Variants in TNPO1 observed in about 807,000 individuals in gnomAD.
TNPO1 encodes the protein transportin-1.
TNPO1 carries 8 observed loss-of-function variants against 119.5 expected under a neutral mutation model. The observed-to-expected ratio is 0.07, with a 90% CI of 0.04 to 0.12. The LOEUF is 0.12. Among genes scored for constraint, TNPO1 ranks in the 10% least tolerant of loss-of-function variants. The pLI is 1.00. For synonymous variants in TNPO1, 362 were observed against 363.0 expected, an observed-to-expected ratio of 1.00 and a Z score of 0.03; for missense variants, 576 against 1,089.8, an observed-to-expected ratio of 0.53 and a Z score of 6.64.
At chr5:72,841,352 C>T (rs2112218614) in intron 1 of TNPO1, among the ~76,000 whole-genome samples, 1 of 152,272 alleles carries the variant, frequency 6.6e-6, no homozygotes, top group African/African-American at 2.4e-5. Flanking sequence ...CTCCTGACCT[C>T]AGGCGATCCA....
rs1276556982 is a variant in TNPO1 at position 72,848,565 on chromosome 5, G to T, written c.129+67G>T. On this transcript the variant is annotated intron_variant, in intron 2 of 24. Coordinates refer to ENST00000337273, the MANE Select transcript of TNPO1 (RefSeq NM_002270.4). ...CCGCGCTGCGGCCCAGCCCCCGGCG[G>T]CCGGGGGCTCCCGTCGCCTCCGCCT... The T allele has an allele frequency of 4.0e-6, 4 of 994,346 alleles. No individual in the cohort carries two copies. In the East Asian group the frequency reaches 1.0e-4, roughly 26 times the overall value. The allele number at this position is 994,346 out of a possible 1,614,324, so 61.6% of individuals were successfully genotyped here.
At chr5:72,822,941 A>G (rs1368984647) in intron 1 of TNPO1, among the ~76,000 whole-genome samples, 1 of 125,798 alleles carries the variant, frequency 7.9e-6, no homozygotes, top group Non-Finnish European at 1.6e-5. Context: ...TTGGAGACAC[A>G]GTCTAGCTCT....
rs1457435047 is a variant in TNPO1, at chr5:72,868,452, A to AC, written c.596+2723_596+2724insC. 3.6e-3 allele frequency among the ~76,000 whole-genome samples: 534 copies of AC among 147,878 alleles called. 21 individuals carry two copies. In the East Asian group the frequency reaches 0.038, roughly 10 times the overall value. ...GTCTCAAAAAAAAAAAAAAAAAAAA[A>AC]AAAAAAACACAAAATAATATATCAG... On this transcript the variant is annotated intron_variant, in intron 6 of 24. Transcript: ENST00000337273.
intron 24 of TNPO1, among the ~76,000 whole-genome samples, chr5:72,906,780 C>T (rs1052483460): frequency 6.6e-6 from 1 of 152,100 alleles, no homozygotes; most frequent in East Asian, 1.9e-4. Context: ...GATGCCAGAA[C>T]TTAGTATGTT....
chr5:72,893,058 C>G lies in TNPO1; in HGVS notation c.1789-81C>G. The G allele has an allele frequency of 2.9e-6, 3 of 1,030,992 alleles. No homozygotes were observed. In the South Asian group the frequency reaches 4.4e-5, roughly 15 times the overall value. The allele number at this position is 1,030,992 out of a possible 1,614,324, so 63.9% of individuals were successfully genotyped here. A position where few individuals can be genotyped will look rare whatever the true frequency, so the allele number is the denominator to read the frequency against. ...GAGCAAGCTCATAAATGATCAGGAT[C>G]CTGTTGAGCGCAGTTTCAAGCATTC... On this transcript the variant is annotated intron_variant, in intron 15 of 24. Coordinates refer to ENST00000337273, the MANE Select transcript of TNPO1 (RefSeq NM_002270.4).
intron 20 of TNPO1, among the ~76,000 whole-genome samples, chr5:72,899,063 T>G (rs573493211): frequency 6.6e-6 from 1 of 152,164 alleles, no homozygotes; most frequent in Non-Finnish European, 1.5e-5. Flanking sequence ...CTTTGTAAGT[T>G]TAAAGACTTC....
chr5:72,855,309 A>T (rs369887277), intron 3 of TNPO1, among the ~76,000 whole-genome samples: 2 of 152,082 alleles, frequency 1.3e-5, no homozygotes, highest in African/African-American at 4.8e-5. Flanking sequence ...TTAATAGGAT[A>T]TGTTTAAGAC....
At chr5:72,867,901 A>AGAT (rs1747045832) in intron 6 of TNPO1, among the ~76,000 whole-genome samples, 2 of 152,182 alleles carry the variant, frequency 1.3e-5, no homozygotes. Flanking sequence ...CCAATCAAAT[A>AGAT]GATATTTGGT....
At position 72,861,931 on chromosome 5, in the gene TNPO1, C is replaced by G. The variant is rs778497187; in HGVS notation, c.462+17C>G. On this transcript the variant is annotated intron_variant, in intron 5 of 24. Transcript: ENST00000337273. ...ACCTGTGAGGTAAGGATATTTGTTT[C>G]ATACATAATTGGGTGTTTTCTGTTT... is the stretch of plus-strand genomic sequence containing the variant. 13 of 1,574,390 alleles carry G rather than the reference C, an allele frequency of 8.3e-6. No homozygotes were observed. In the East Asian group the frequency reaches 2.5e-4, roughly 30 times the overall value.
chr5:72,832,588 G>A (rs758609670), intron 1 of TNPO1, among the ~76,000 whole-genome samples: 1 of 152,144 alleles, frequency 6.6e-6, no homozygotes, highest in Non-Finnish European at 1.5e-5. Context: ...TGAGTCTTGA[G>A]AACCAAGTAC....
rs1750483327 is a variant in TNPO1, at chr5:72,910,420, C to CT, written c.*1750dup. On this transcript the variant is annotated 3_prime_UTR_variant, in exon 25 of 25. Transcript: ENST00000337273. ...CTTGTGTTCATATGAAAGTGCAAGTCTTTATTAATTTGGATTGCCTGAACA... is the reference window on the plus strand; with the variant it reads ...CTTGTGTTCATATGAAAGTGCAAGTCTTTTATTAATTTGGATTGCCTGAACA... 6.6e-6 allele frequency: 1 copy of CT among 152,466 alleles called. No individual in the cohort carries two copies. 9.4% of individuals were successfully genotyped at this position (152,466 alleles called of 1,614,324 possible).
At position 72,913,576 on chromosome 5, in the gene TNPO1, G is replaced by A. The variant is rs1278576740; in HGVS notation, c.*4903G>A. The A allele has an allele frequency of 2.0e-5, 3 of 152,340 alleles. No individual in the cohort carries two copies. Among genetic ancestry groups the A allele is most frequent in the Non-Finnish European group, 4.4e-5 (3 of 67,894 alleles). The allele number at this position is 152,340 out of a possible 1,614,324, so 9.4% of individuals were successfully genotyped here. A position where few individuals can be genotyped will look rare whatever the true frequency, so the allele number is the denominator to read the frequency against. ...AAGCAGTGTATCACTAATAAGAAAA[G>A]CAGTTTTTCCTTTTATTGCAGTTTT... On this transcript the variant is annotated 3_prime_UTR_variant, in exon 25 of 25. Transcript: ENST00000337273.
At chr5:72,861,705 A>G in intron 4 of TNPO1, 103 bp from the exon 5 acceptor site, 1 of 819,510 alleles carries the variant, frequency 1.2e-6, no homozygotes, top group African/African-American at 1.7e-5. Context: ...GCCTGGCCAA[A>G]TGTTATTATT....
At chr5:72,867,771 A>C (rs1747032877) in intron 6 of TNPO1, among the ~76,000 whole-genome samples, 1 of 152,220 alleles carries the variant, frequency 6.6e-6, no homozygotes, top group Non-Finnish European at 1.5e-5. Flanking sequence ...CACAGTACTG[A>C]ATGTAGACAT....
intron 1 of TNPO1, among the ~76,000 whole-genome samples, chr5:72,823,812 A>G (rs1744091839): frequency 6.6e-6 from 1 of 152,088 alleles, no homozygotes. Context: ...ACAACCACAC[A>G]TGGCCACAAA....
chr5:72,875,000 C>T (rs1446225033), intron 7 of TNPO1, among the ~76,000 whole-genome samples: 2 of 151,822 alleles, frequency 1.3e-5, no homozygotes, highest in East Asian at 3.9e-4. Flanking sequence ...AGATCTTCTG[C>T]TGGTTATCAA....
chr5:72,853,031 C>T (rs777144140), intron 3 of TNPO1, among the ~76,000 whole-genome samples: 2 of 152,158 alleles, frequency 1.3e-5, no homozygotes, highest in Non-Finnish European at 2.9e-5. Context: ...AAGCTGTCCA[C>T]TCTCATGTTC....
At chr5:72,825,814 A>G (rs1461815735) in intron 1 of TNPO1, 2 of 152,366 alleles carry the variant, frequency 1.3e-5, no homozygotes, top group South Asian at 2.1e-4. Context: ...TTCCCATCCT[A>G]CAGAATGGTA....
intron 21 of TNPO1, 41 bp from the exon 22 acceptor site, chr5:72,900,933 C>A: frequency 7.2e-7 from 1 of 1,383,358 alleles, no homozygotes. Flanking sequence ...ATTGAATCTG[C>A]TTGTTACTTA....
Sources: gnomAD v4.1 joint callset for allele counts (sites outside exome capture counted in the v4.1 genomes callset) on GRCh38, gnomAD v4.1.1 for gene constraint, MANE v1.5 for transcripts, NCBI Gene and HGNC (gene_info 2026-07-23, HGNC 2026-07-21) for gene names.